RPS6KA2: variants seen among roughly 807,000 people sequenced by gnomAD.
RPS6KA2 encodes the protein ribosomal protein S6 kinase A2, also known as ribosomal protein S6 kinase alpha-2.
RPS6KA2 carries 42 observed loss-of-function variants against 91.8 expected under a neutral mutation model. The ratio of observed to expected loss-of-function variants is 0.46; its 90% CI spans 0.36 to 0.59. The LOEUF is 0.59. Ranked by LOEUF, RPS6KA2 falls within the 20% of genes least tolerant of loss-of-function variation. The pLI is 0.00. For missense variants in RPS6KA2, 798 were observed against 978.5 expected, an observed-to-expected ratio of 0.82 and a Z score of 2.46; for synonymous variants, 414 against 393.6, an observed-to-expected ratio of 1.05 and a Z score of -0.61.
chr6:166,776,291 C>T (rs1230915518), intron 2 of RPS6KA2, among the ~76,000 whole-genome samples: 5 of 152,186 alleles, frequency 3.3e-5, no homozygotes, highest in South Asian at 2.1e-4. Context: ...GAAGGATTAA[C>T]CCACAGGCTC....
At position 166,626,888 on chromosome 6, in the gene RPS6KA2, G is replaced by T. The variant is rs911711575; in HGVS notation, c.99+33C>A. The T allele has an allele frequency of 6.9e-7, 1 of 1,449,466 alleles. No homozygotes were observed. Among genetic ancestry groups the T allele is most frequent in the South Asian group, 1.4e-5 (1 of 73,062 alleles). The allele number at this position is 1,449,466 out of a possible 1,614,324, so 89.8% of individuals were successfully genotyped here. Reference sequence around the variant, plus strand: ...GGCGACCACGGCCCGCTCAGTGCCCGGCACCTGCGCGCCCCGAGGGCGGCC... The same window carrying T: ...GGCGACCACGGCCCGCTCAGTGCCCTGCACCTGCGCGCCCCGAGGGCGGCC... On this transcript the variant is annotated intron_variant, in intron 1 of 20. Transcript: ENST00000265678. This position sits in a 1 kb window ranked among gnomAD's most constrained non-coding sequence, Gnocchi z 4.1.
rs79666405 is a variant in RPS6KA2, at chr6:166,583,134, G to A, written c.99+43787C>T. Among the ~76,000 whole-genome samples, 35 of 152,240 alleles carry A rather than the reference G, an allele frequency of 2.3e-4. No homozygotes were observed. In the East Asian group the frequency reaches 5.4e-3, roughly 23 times the overall value. On this transcript the variant is annotated intron_variant, in intron 1 of 20. Transcript: ENST00000265678. ...AGTTTGGTAAGTTTTACTCGCATTCGCATACTTTTCAAGGTATCATATTAC... is the reference window on the plus strand; with the variant it reads ...AGTTTGGTAAGTTTTACTCGCATTCACATACTTTTCAAGGTATCATATTAC...
At chr6:166,529,434 T>TG (rs992050895) in intron 3 of RPS6KA2, among the ~76,000 whole-genome samples, 38 of 151,474 alleles carry the variant, frequency 2.5e-4, no homozygotes, top group African/African-American at 8.5e-4. Flanking sequence ...GGTGGAGGGA[T>TG]GGGGGAGGGA....
chr6:166,589,798 T>G (rs531643195), intron 1 of RPS6KA2, among the ~76,000 whole-genome samples: 5 of 152,334 alleles, frequency 3.3e-5, no homozygotes, highest in African/African-American at 1.2e-4. Context: ...TCAGATTTGT[T>G]GGAAACATTT....
rs534026894 is a variant in RPS6KA2, at chr6:166,770,825, A to G, written c.123+87375T>C. On this transcript the variant is annotated intron_variant, in intron 2 of 21. Transcript: ENST00000503859. The surrounding 1 kb of genome is among the most constrained non-coding windows in gnomAD (Gnocchi z 5.1). ...TTAAAAAAAAAATGTAACTCACATA[A>G]GCATGGAAAAAAACAAACCCACAGG... 20 of 1,553,744 alleles carry G rather than the reference A, an allele frequency of 1.3e-5. No homozygotes were observed. In the Admixed American group the frequency reaches 2.3e-4, roughly 18 times the overall value.
In RPS6KA2 at chr6:166,430,431, C is replaced by T. The variant is rs373869605; in HGVS notation, c.1581+22G>A. On this transcript the variant is annotated intron_variant, in intron 16 of 20. Coordinates refer to ENST00000265678, the MANE Select transcript of RPS6KA2 (RefSeq NM_021135.6). ...CCTGAAGCTCCCTCCTCCCCGAAGG[C>T]TGCCCCAGGCATGGCTCCTACCCCC... 10 of 1,595,094 alleles carry T rather than the reference C, an allele frequency of 6.3e-6. No individual in the cohort carries two copies. The African/African-American group carries it at 1.3e-4, about 21-fold the overall frequency.
rs980497606 is a variant in RPS6KA2 at position 166,617,080 on chromosome 6, A to G, written c.99+9841T>C. On this transcript the variant is annotated intron_variant, in intron 1 of 20. Coordinates refer to ENST00000265678, the MANE Select transcript of RPS6KA2 (RefSeq NM_021135.6). ...TCCATCGTGGGCCGAAGGCAGTCAC[A>G]GGCTGGAATGTGCAGAGGGAAGTCA... is the stretch of plus-strand genomic sequence containing the variant. 9.2e-5 allele frequency among the ~76,000 whole-genome samples: 14 copies of G among 152,348 alleles called. No homozygotes were observed. In the East Asian group the frequency reaches 2.7e-3, roughly 29 times the overall value.
rs535007974 is a variant in RPS6KA2 at position 166,744,030 on chromosome 6, C to A, written c.123+114170G>T. 4.4e-4 allele frequency among the ~76,000 whole-genome samples: 67 copies of A among 152,264 alleles called. 1 individual carries two copies. The highest frequency in any genetic ancestry group is 1.5e-3 in the African/African-American group (64 of 41,542). ...TCAACCACCGAGTGCAGTGCTGGGG[C>A]CCTGAGCCATCCCACCCGTGTCTCA... On this transcript the variant is annotated intron_variant, in intron 2 of 21. Transcript: ENST00000503859.
chr6:166,693,039 T>C (rs1789255293), intron 2 of RPS6KA2, among the ~76,000 whole-genome samples: 1 of 152,224 alleles, frequency 6.6e-6, no homozygotes, highest in Non-Finnish European at 1.5e-5. Flanking sequence ...AGCAAGGATA[T>C]GACAATGTCA....
intron 1 of RPS6KA2, among the ~76,000 whole-genome samples, chr6:166,551,895 T>C (rs1364032006): frequency 6.6e-6 from 1 of 152,186 alleles, no homozygotes; most frequent in Non-Finnish European, 1.5e-5. Flanking sequence ...ATTACGGATT[T>C]CCGAACAGTC....
intron 3 of RPS6KA2, among the ~76,000 whole-genome samples, chr6:166,525,501 C>A (rs78244048): frequency 1.3e-5 from 2 of 152,068 alleles, no homozygotes; most frequent in African/African-American, 4.8e-5. Context: ...GGGTGCCCAA[C>A]GCTCCAAACT....
At chr6:166,715,746 A>G (rs1789991316) in intron 2 of RPS6KA2, among the ~76,000 whole-genome samples, 1 of 152,178 alleles carries the variant, frequency 6.6e-6, no homozygotes, top group South Asian at 2.1e-4. Context: ...ATCCAAACAT[A>G]GAAAAGCTGG....
At position 166,656,684 on chromosome 6, in the gene RPS6KA2, C is replaced by A. The variant is rs368625888; in HGVS notation, c.124-117900G>T. 1.1e-4 allele frequency among the ~76,000 whole-genome samples: 16 copies of A among 152,342 alleles called. No individual in the cohort carries two copies. In the East Asian group the frequency reaches 3.1e-3, roughly 29 times the overall value. ...CTGAGGTCGCATTCATCCACACAGG[C>A]AACAGAAGCAAGTGCAGCACTGCGC... On this transcript the variant is annotated intron_variant, in intron 2 of 21. Transcript: ENST00000503859.
intron 3 of RPS6KA2, among the ~76,000 whole-genome samples, chr6:166,514,037 A>T (rs951273257): frequency 1.3e-5 from 2 of 152,120 alleles, no homozygotes; most frequent in Non-Finnish European, 2.9e-5. Context: ...TTTCTTCTCT[A>T]TGTAGGTGAA....
intron 2 of RPS6KA2, among the ~76,000 whole-genome samples, chr6:166,676,187 TAC>T (rs1369875693): frequency 6.6e-6 from 1 of 151,978 alleles, no homozygotes; most frequent in East Asian, 1.9e-4. Flanking sequence ...CGTGGTGGCA[TAC>T]ACCTGTAATC....
chr6:166,735,367 C>T (rs34369862), intron 2 of RPS6KA2, among the ~76,000 whole-genome samples: 2,482 of 152,308 alleles, frequency 0.016, 58 homozygotes, highest in East Asian at 0.1. Context: ...CAGCAGTCCC[C>T]AATCTTTTTG....
chr6:166,606,457 C>T (rs1785959263), intron 1 of RPS6KA2, among the ~76,000 whole-genome samples: 1 of 151,960 alleles, frequency 6.6e-6, no homozygotes, highest in South Asian at 2.1e-4. Context: ...GTTGTGTAGG[C>T]CTTTCAAAGC....
At chr6:166,658,408 C>T (rs1582993407) in intron 2 of RPS6KA2, among the ~76,000 whole-genome samples, 2 of 152,200 alleles carry the variant, frequency 1.3e-5, no homozygotes, top group African/African-American at 4.8e-5. Context: ...CGGAGCTGGT[C>T]GCCGTGTCAC....
At chr6:166,458,546 GAAGTT>G (rs1780175814) in intron 12 of RPS6KA2, among the ~76,000 whole-genome samples, 2 of 152,294 alleles carry the variant, frequency 1.3e-5, no homozygotes, top group African/African-American at 4.8e-5. Context: ...GAGAATAACT[GAAGTT>G]AAGTGAGGAT....
Sources: gnomAD v4.1 joint callset for allele counts (sites outside exome capture counted in the v4.1 genomes callset) on GRCh38, gnomAD v4.1.1 for gene constraint, Gnocchi (gnomAD v3.1) non-coding constraint, MANE v1.5 for transcripts, NCBI Gene and HGNC (gene_info 2026-07-23, HGNC 2026-07-21) for gene names.